ANK3: variants seen among roughly 807,000 people sequenced by gnomAD.
ANK3 encodes ankyrin-3.
In ANK3, 57 loss-of-function variants were observed where a neutral mutation model predicts 370.9. The ratio of observed to expected loss-of-function variants is 0.15; its 90% confidence interval spans 0.12 to 0.19. ANK3 has a LOEUF of 0.19. Among genes scored for constraint, ANK3 ranks in the 10% least tolerant of loss-of-function variants. The probability of loss-of-function intolerance (pLI) is 1.00; values close to 1 mark genes in which losing one functional copy is unlikely to be tolerated. For missense variants in ANK3, 4,439 were observed against 5,302.1 expected, an observed-to-expected ratio of 0.84 and a Z score of 5.06; for synonymous variants, 1,929 against 1,946.3, an observed-to-expected ratio of 0.99 and a Z score of 0.23.
chr10:60,721,032 T>C (rs2132024695), intron 1 of ANK3, among the ~76,000 whole-genome samples: 1 of 152,318 alleles, frequency 6.6e-6, no homozygotes, highest in Non-Finnish European at 1.5e-5. Context: ...TGCTAGATCC[T>C]AGATGTGAGT....
intron 2 of ANK3, among the ~76,000 whole-genome samples, chr10:60,477,940 A>C (rs1352446055): frequency 6.6e-6 from 1 of 152,132 alleles, no homozygotes; most frequent in Non-Finnish European, 1.5e-5. Flanking sequence ...TCCTAGGATA[A>C]TATGAAGTCA....
intron 2 of ANK3, among the ~76,000 whole-genome samples, chr10:60,601,392 A>T (rs950019231): frequency 6.6e-6 from 1 of 152,164 alleles, no homozygotes; most frequent in African/African-American, 2.4e-5. Flanking sequence ...CATCAATGGT[A>T]AGTCACGATG....
chr10:60,683,110 C>A (rs1453182272), intron 1 of ANK3, among the ~76,000 whole-genome samples: 1 of 152,058 alleles, frequency 6.6e-6, no homozygotes, highest in East Asian at 1.9e-4. Context: ...GAGGAAAAAC[C>A]CCCGCATCTT....
Position 60,070,260 on chromosome 10 carries a change from C to G in ANK3, c.10621G>C (p.Asp3541His), listed in dbSNP as rs1419945801. The stretch of plus-strand genomic sequence containing the variant: ...CGGTTATTAGACCAAGGGTCAAAAT[C>G]TAGACCTTTGGTAGCTACTGTTTTA... ...PFKTVATKGL[D>H]FDPWSNNRGD... Residue 3541 changes from aspartate to histidine, a missense_variant, in exon 37 of 44, where the codon GAT becomes CAT. By Grantham distance (81) the Asp-to-His change is moderately conservative. This residue lies in a region of ANK3 where 1,601 missense variants were observed against 1,731.7 expected (regional missense o/e 0.92). Transcript: ENST00000280772. This position sits in a 1 kb window ranked among gnomAD's most constrained non-coding sequence, Gnocchi z 5.7. The G allele has an allele frequency of 1.2e-6, 2 of 1,614,098 alleles. No homozygotes were observed. The highest frequency in any genetic ancestry group is 1.7e-6 in the Non-Finnish European group (2 of 1,180,006).
chr10:60,365,151 A>C (rs2059221328), intron 1 of ANK3, among the ~76,000 whole-genome samples: 1 of 151,320 alleles, frequency 6.6e-6, no homozygotes, highest in Non-Finnish European at 1.5e-5. Flanking sequence ...GAGGGAAATG[A>C]AAAACTTCTT....
At chr10:60,410,115 G>T (rs377109499) in intron 2 of ANK3, among the ~76,000 whole-genome samples, 2 of 151,976 alleles carry the variant, frequency 1.3e-5, no homozygotes, top group East Asian at 1.9e-4. Flanking sequence ...AGGTTTCACG[G>T]TATCACACAC....
In ANK3 at chr10:60,640,915, T is replaced by C. The variant is rs1392294075; in HGVS notation, c.58-25691A>G. The stretch of plus-strand genomic sequence containing the variant: ...CCATTGTCTCAGCCCAAAATCTCCT[T>C]AAGCTGATAAGCAAAGTCTCAGGAT... On this transcript the variant is annotated intron_variant, in intron 1 of 43. Coordinates refer to the ANK3 transcript ENST00000373827. 5.9e-5 allele frequency among the ~76,000 whole-genome samples: 4 copies of C among 67,696 alleles called. 1 individual carries two copies. Among genetic ancestry groups the C allele is most frequent in the African/African-American group, 1.9e-4 (4 of 21,038 alleles). 44.4% of individuals were successfully genotyped at this position (67,696 alleles called of 152,430 possible). A position where few individuals can be genotyped will look rare whatever the true frequency, so the allele number is the denominator to read the frequency against.
At chr10:60,436,305 T>G (rs1183704623) in intron 2 of ANK3, among the ~76,000 whole-genome samples, 1 of 152,220 alleles carries the variant, frequency 6.6e-6, no homozygotes, top group Non-Finnish European at 1.5e-5. Context: ...TGTGGAAGCA[T>G]GTTTTCAATT....
At chr10:60,239,267 G>T (rs749666334) in intron 7 of ANK3, among the ~76,000 whole-genome samples, 1 of 151,914 alleles carries the variant, frequency 6.6e-6, no homozygotes, top group Non-Finnish European at 1.5e-5. Flanking sequence ...ATGAAAGGCA[G>T]AAAAATACAA....
rs1161073679 is a variant in ANK3, at chr10:60,044,353, A to G, written c.13066-1594T>C. 3.1e-6 allele frequency: 3 copies of G among 982,254 alleles called. No homozygotes were observed. In the African/African-American group the frequency reaches 5.4e-5, roughly 18 times the overall value. The allele number at this position is 982,254 out of a possible 1,614,324, so 60.8% of individuals were successfully genotyped here. The stretch of plus-strand genomic sequence containing the variant: ...AATGTTTTTTGCTTCCTCTCCCTAA[A>G]GGATGTGGCATAAAGATTAGCAACA... On this transcript the variant is annotated intron_variant, in intron 42 of 43. Coordinates refer to ENST00000280772, the MANE Select transcript of ANK3 (RefSeq NM_020987.5).
intron 2 of ANK3, among the ~76,000 whole-genome samples, chr10:60,485,614 C>T (rs2075328182): frequency 6.6e-6 from 1 of 152,148 alleles, no homozygotes; most frequent in African/African-American, 2.4e-5. Context: ...GTAGGTGTCC[C>T]CACCTGGTGT....
intron 2 of ANK3, among the ~76,000 whole-genome samples, chr10:60,415,891 G>T (rs1333511523): frequency 7.6e-6 from 1 of 132,112 alleles, no homozygotes; most frequent in Middle Eastern, 4.4e-3. Context: ...TTTATATTTT[G>T]GTTCATTGTA....
chr10:60,360,581 C>T (rs1034653928), intron 1 of ANK3, among the ~76,000 whole-genome samples: 18 of 152,154 alleles, frequency 1.2e-4, no homozygotes, highest in African/African-American at 4.3e-4. Context: ...TAGTGGTATG[C>T]ACCTGTAGTT....
Position 60,072,889 on chromosome 10 carries a change from C to A in ANK3, c.7992G>T (p.Glu2664Asp), listed in dbSNP as rs747531821. ...GGCTGCTGGGCAGACTGGGTGCCTT[C>A]TCCTCGGCCTTGGGGAAGCCTTGTC... ...PDGQGFPKAEEKAPSLPSSPE... is the reference protein window; with the variant it reads ...PDGQGFPKAEDKAPSLPSSPE... The change falls in exon 37 of 44, where the codon GAG (glutamate) becomes GAT (aspartate). Residue 2664 changes from glutamate to aspartate, a missense_variant. Transcript: ENST00000280772. 2 of 1,614,104 alleles carry A rather than the reference C, an allele frequency of 1.2e-6. No homozygotes were observed. The highest frequency in any genetic ancestry group is 3.3e-5 in the Admixed American group (2 of 59,994).
At chr10:60,203,675 A>G (rs2096718327) in intron 11 of ANK3, among the ~76,000 whole-genome samples, 1 of 152,242 alleles carries the variant, frequency 6.6e-6, no homozygotes, top group Non-Finnish European at 1.5e-5. Flanking sequence ...CAATCTAAAT[A>G]AAGCAAATAT....
At position 60,281,591 on chromosome 10, in the gene ANK3, G is replaced by A. The variant is rs187966412; in HGVS notation, c.115-1952C>T. ...TAATATTCATCTTACTGTTTCCCCC[G>A]CAACTGGAAGCATTCTTGGCATATA... On this transcript the variant is annotated intron_variant, in intron 1 of 43. Transcript: ENST00000280772. 1.6e-3 allele frequency among the ~76,000 whole-genome samples: 247 copies of A among 152,214 alleles called. 1 individual carries two copies. The highest frequency in any genetic ancestry group is 5.6e-3 in the African/African-American group (233 of 41,546).
chr10:60,400,889 A>G (rs760867288), intron 2 of ANK3, among the ~76,000 whole-genome samples: 21 of 152,090 alleles, frequency 1.4e-4, no homozygotes, highest in Non-Finnish European at 2.8e-4. Flanking sequence ...AACAGGCCCC[A>G]GTGTGTGAAG....
At chr10:60,441,724 G>A (rs1256077500) in intron 2 of ANK3, among the ~76,000 whole-genome samples, 2 of 152,028 alleles carry the variant, frequency 1.3e-5, no homozygotes, top group Non-Finnish European at 2.9e-5. Context: ...TCCCTCTAGT[G>A]TTCATACAAG....
intron 1 of ANK3, among the ~76,000 whole-genome samples, chr10:60,326,989 C>T (rs1733476253): frequency 6.7e-6 from 1 of 149,048 alleles, no homozygotes; most frequent in Non-Finnish European, 1.5e-5. Flanking sequence ...CACTGCACTC[C>T]AGCCTGGGCG....
Sources: gnomAD v4.1 joint callset for allele counts (sites outside exome capture counted in the v4.1 genomes callset) on GRCh38, gnomAD v4.1.1 for gene constraint, gnomAD v4.1.1 regional missense constraint, Gnocchi (gnomAD v3.1) non-coding constraint, MANE v1.5 for transcripts, NCBI Gene and HGNC (gene_info 2026-07-23, HGNC 2026-07-21) for gene names.